Variants in SGCD observed in about 807,000 individuals in gnomAD.
SGCD encodes sarcoglycan delta, also known as delta-sarcoglycan.
Under a neutral mutation model 36.6 loss-of-function variants are expected in SGCD, and 18 were observed. The ratio of observed to expected loss-of-function variants is 0.49; its 90% CI spans 0.34 to 0.73. The LOEUF (loss-of-function observed/expected upper bound fraction) is 0.73, where lower values mean the gene tolerates loss of function less well. SGCD is among the 30% of genes least tolerant of loss of function. The pLI is 0.01. For missense variants in SGCD, 387 were observed against 346.7 expected (o/e 1.12, Z -0.92); for synonymous variants, 133 against 130.6 (o/e 1.02, Z -0.12).
At chr5:155,788,930 G>C in the SGCD span, among the ~76,000 whole-genome samples, 1 of 152,072 alleles carries the variant, frequency 6.6e-6, no homozygotes. Context: ...CAAAATACCT[G>C]GCATGGTCAA....
chr5:155,913,908 G>C (rs1279522308), intron 1 of SGCD, among the ~76,000 whole-genome samples: 1 of 152,174 alleles, frequency 6.6e-6, no homozygotes, highest in Non-Finnish European at 1.5e-5. Flanking sequence ...ACCTTTATTA[G>C]TCTCATGAAT....
the SGCD span, among the ~76,000 whole-genome samples, chr5:155,776,827 TA>T: frequency 6.6e-6 from 1 of 152,142 alleles, no homozygotes; most frequent in Non-Finnish European, 1.5e-5. Context: ...TATAGTCAGT[TA>T]TACTATGGCA....
intron 3 of SGCD, among the ~76,000 whole-genome samples, chr5:156,187,046 G>A (rs865986655): frequency 2.0e-5 from 3 of 151,932 alleles, no homozygotes; most frequent in Admixed American, 6.6e-5. Context: ...GAAGGGCATC[G>A]TCAGTACTTT....
intron 3 of SGCD, among the ~76,000 whole-genome samples, chr5:156,178,372 T>C (rs76171939): frequency 0.028 from 4,255 of 152,302 alleles, 169 homozygotes; most frequent in African/African-American, 0.086. Context: ...TCTGTTATAA[T>C]GTCAGTTAAT....
At chr5:155,855,630 A>C in the SGCD span, among the ~76,000 whole-genome samples, 8 of 152,228 alleles carry the variant, frequency 5.3e-5, no homozygotes, top group African/African-American at 1.9e-4. Context: ...ATTTTTATAG[A>C]GTGGTAGACC....
chr5:155,965,847 A>T (rs1460054139), intron 1 of SGCD, among the ~76,000 whole-genome samples: 1 of 150,736 alleles, frequency 6.6e-6, no homozygotes, highest in African/African-American at 2.4e-5. Flanking sequence ...TTCCAAATCT[A>T]CTCTTTTGTG....
chr5:156,324,410 A>G (rs1454118389), upstream of SGCD, among the ~76,000 whole-genome samples: 3 of 152,200 alleles, frequency 2.0e-5, no homozygotes, highest in African/African-American at 4.8e-5. Flanking sequence ...ACTTCTTGAG[A>G]GGGCCTGTGA....
intron 2 of SGCD, among the ~76,000 whole-genome samples, chr5:156,120,259 G>T (rs531169567): frequency 1.3e-5 from 2 of 152,136 alleles, no homozygotes; most frequent in East Asian, 3.9e-4. Flanking sequence ...GTGTAGGGGT[G>T]GGAGGTGAGG....
chr5:156,585,680 A>G (rs572360250), intron 4 of SGCD, among the ~76,000 whole-genome samples: 17 of 152,104 alleles, frequency 1.1e-4, no homozygotes, highest in Non-Finnish European at 2.1e-4. Flanking sequence ...CAAAGGCAAA[A>G]TCTCATGGAA....
rs1757550153 is a variant in SGCD at position 156,764,389 on chromosome 5, G to A, written c.*4999G>A. ...GCACAAAGCCAAACCACTGATAAGAGATAAAGCAGTCTGAAGCCTGCTGCT... is the reference window on the plus strand; with the variant it reads ...GCACAAAGCCAAACCACTGATAAGAAATAAAGCAGTCTGAAGCCTGCTGCT... On this transcript the variant is annotated 3_prime_UTR_variant, in exon 9 of 9. Coordinates refer to ENST00000337851, the MANE Select transcript of SGCD (RefSeq NM_000337.6). 6.6e-6 allele frequency: 1 copy of A among 152,608 alleles called. No homozygotes were observed. The highest frequency in any genetic ancestry group is 1.5e-5 in the Non-Finnish European group (1 of 68,028). The allele number at this position is 152,608 out of a possible 1,614,324, so 9.5% of individuals were successfully genotyped here. A position where few individuals can be genotyped will look rare whatever the true frequency, so the allele number is the denominator to read the frequency against.
At chr5:156,086,920 G>C (rs1423863551) in intron 1 of SGCD, among the ~76,000 whole-genome samples, 1 of 152,194 alleles carries the variant, frequency 6.6e-6, no homozygotes, top group Admixed American at 6.5e-5. Context: ...ACTTCCTGCT[G>C]AATGGGGTGT....
rs184930474 is a variant in SGCD, at chr5:156,042,165, T to C, written c.-281-75713T>C. ...AGTTAGGTACACTCTGAATTTTGAA[T>C]TTATAAGTAATTAAAATAGGTATTT... On this transcript the variant is annotated intron_variant, in intron 1 of 9. Coordinates refer to the SGCD transcript ENST00000517913. Among the ~76,000 whole-genome samples, 64 of 150,890 alleles carry C rather than the reference T, an allele frequency of 4.2e-4. No homozygotes were observed. The Middle Eastern group carries it at 0.017, about 40-fold the overall frequency.
intron 3 of SGCD, among the ~76,000 whole-genome samples, chr5:156,241,062 G>A (rs552212649): frequency 6.6e-6 from 1 of 152,228 alleles, no homozygotes; most frequent in South Asian, 2.1e-4. Context: ...GAGAGTCAGG[G>A]CATACACTGA....
chr5:156,096,514 A>G (rs1225900941), intron 1 of SGCD, among the ~76,000 whole-genome samples: 3 of 152,022 alleles, frequency 2.0e-5, no homozygotes, highest in African/African-American at 7.3e-5. Context: ...CCAATAACTT[A>G]TATTGAGTCA....
chr5:156,368,183 C>A (rs1770205349), intron 3 of SGCD, among the ~76,000 whole-genome samples: 1 of 152,012 alleles, frequency 6.6e-6, no homozygotes, highest in Admixed American at 6.6e-5. Context: ...CCTCTGCCTC[C>A]CGGGTTCAAG....
At chr5:156,640,554 T>A (rs1055488156) in intron 6 of SGCD, among the ~76,000 whole-genome samples, 1 of 152,218 alleles carries the variant, frequency 6.6e-6, no homozygotes, top group African/African-American at 2.4e-5. Context: ...GCCATTCACA[T>A]AATAGGTACT....
intron 3 of SGCD, among the ~76,000 whole-genome samples, chr5:156,227,000 C>T (rs1390884915): frequency 6.6e-6 from 1 of 151,930 alleles, no homozygotes; most frequent in African/African-American, 2.4e-5. Context: ...AGATATTATT[C>T]CTTTGTCAGA....
intron 3 of SGCD, among the ~76,000 whole-genome samples, chr5:156,450,643 T>C (rs1753967672): frequency 1.3e-5 from 2 of 152,066 alleles, no homozygotes; most frequent in African/African-American, 4.8e-5. Flanking sequence ...ATTCTAATTG[T>C]TTTCTATTGT....
chr5:156,039,041 A>G (rs1759570573), intron 1 of SGCD, among the ~76,000 whole-genome samples: 1 of 152,066 alleles, frequency 6.6e-6, no homozygotes, highest in African/African-American at 2.4e-5. Flanking sequence ...TTCCTGCCTC[A>G]GGAGCTTTTT....
Sources: allele counts gnomAD v4.1 joint callset (sites outside exome capture counted in the v4.1 genomes callset), GRCh38; gene constraint gnomAD v4.1.1; transcripts MANE v1.5; gene names NCBI Gene and HGNC (gene_info 2026-07-23, HGNC 2026-07-21).